The following TBC1D4 variants were observed in gnomAD, a reference collection of about 807,000 sequenced individuals.
TBC1D4 encodes TBC (Tre-2, BUB2, CDC16) domain-containing protein.
A neutral mutation model predicts 142.5 loss-of-function variants in TBC1D4; 121 were observed. The ratio of observed to expected loss-of-function variants is 0.85; its 90% CI spans 0.73 to 0.99. TBC1D4 has a LOEUF of 0.99. TBC1D4 is among the 50% of genes least tolerant of loss of function. TBC1D4 has a pLI of 0.00. For missense variants in TBC1D4, 1,475 were observed against 1,606.6 expected (o/e 0.92, Z 1.40); for synonymous variants, 630 against 628.2 (o/e 1.00, Z -0.04).
intron 15 of TBC1D4, among the ~76,000 whole-genome samples, chr13:75,304,321 G>A (rs1321934796): frequency 6.6e-6 from 1 of 152,120 alleles, no homozygotes; most frequent in African/African-American, 2.4e-5. Context: ...TGAGCATCCA[G>A]TATGTAACAG....
intron 1 of TBC1D4, among the ~76,000 whole-genome samples, chr13:75,442,545 C>G (rs1448790861): frequency 2.0e-5 from 3 of 151,932 alleles, no homozygotes; most frequent in African/African-American, 7.3e-5. Flanking sequence ...TTCTGGGAGG[C>G]CGAGGCAGGC....
chr13:75,316,602 A>G (rs1465821275), intron 12 of TBC1D4: 1 of 152,244 alleles, frequency 6.6e-6, no homozygotes, highest in African/African-American at 2.4e-5. Context: ...CAAGTTCCCA[A>G]TAAACATTTA....
chr13:75,352,719 G>A (rs78132005), intron 4 of TBC1D4, among the ~76,000 whole-genome samples: 2,516 of 152,172 alleles, frequency 0.017, 36 homozygotes, highest in South Asian at 0.057. Context: ...CTCCAGGCCC[G>A]TCAGAACACT....
chr13:75,307,456 A>G (rs1877296011), intron 14 of TBC1D4, among the ~76,000 whole-genome samples: 1 of 152,220 alleles, frequency 6.6e-6, no homozygotes, highest in Non-Finnish European at 1.5e-5. Flanking sequence ...AACTGATTTC[A>G]AAAGAGAAGG....
intron 4 of TBC1D4, among the ~76,000 whole-genome samples, chr13:75,354,752 G>A (rs529600910): frequency 1.2e-4 from 18 of 152,054 alleles, no homozygotes; most frequent in African/African-American, 4.1e-4. Context: ...CTACCAAACT[G>A]TTACTTGGTT....
intron 1 of TBC1D4, among the ~76,000 whole-genome samples, chr13:75,409,816 A>C: frequency 6.6e-6 from 1 of 152,336 alleles, no homozygotes; most frequent in African/African-American, 2.4e-5. Context: ...ACCCTTTGCT[A>C]GATAGCTATA....
chr13:75,447,220 A>C (rs141761013), intron 1 of TBC1D4, among the ~76,000 whole-genome samples: 1 of 152,224 alleles, frequency 6.6e-6, no homozygotes, highest in East Asian at 1.9e-4. Context: ...TCAACGGTAG[A>C]AGTATGGAAG....
chr13:75,289,555 G>T (rs1875054994), intron 19 of TBC1D4, among the ~76,000 whole-genome samples: 1 of 151,612 alleles, frequency 6.6e-6, no homozygotes, highest in African/African-American at 2.4e-5. Context: ...AATTGCATAG[G>T]GTATTACTGT....
At chr13:75,434,622 A>G (rs946533972) in intron 1 of TBC1D4, among the ~76,000 whole-genome samples, 5 of 152,124 alleles carry the variant, frequency 3.3e-5, no homozygotes, top group Non-Finnish European at 4.4e-5. Flanking sequence ...ACAAACCTTC[A>G]CATGTACCCC....
At chr13:75,321,512 G>T (rs1295059639) in intron 11 of TBC1D4, among the ~76,000 whole-genome samples, 1 of 152,016 alleles carries the variant, frequency 6.6e-6, no homozygotes, top group Non-Finnish European at 1.5e-5. Flanking sequence ...GATTAACCTG[G>T]ATAAAGGGTT....
At chr13:75,409,041 G>GTGCA (rs1555317976) in intron 1 of TBC1D4, among the ~76,000 whole-genome samples, 3 of 150,634 alleles carry the variant, frequency 2.0e-5, no homozygotes, top group African/African-American at 7.3e-5. Context: ...ATACACACAC[G>GTGCA]CACACACACA....
intron 1 of TBC1D4, among the ~76,000 whole-genome samples, chr13:75,364,947 T>C (rs1882812448): frequency 6.6e-6 from 1 of 152,238 alleles, no homozygotes; most frequent in Non-Finnish European, 1.5e-5. Flanking sequence ...AGTTCCATTC[T>C]ACAATTGAGA....
chr13:75,410,723 T>G (rs1014688643), intron 1 of TBC1D4, among the ~76,000 whole-genome samples: 1 of 151,412 alleles, frequency 6.6e-6, no homozygotes, highest in Non-Finnish European at 1.5e-5. Context: ...GATCACGAGG[T>G]CAGGAGATCG....
intron 7 of TBC1D4, among the ~76,000 whole-genome samples, chr13:75,339,375 A>G (rs138436743): frequency 4.7e-4 from 71 of 152,152 alleles, no homozygotes; most frequent in African/African-American, 1.5e-3. Context: ...TTGTGGTGCA[A>G]ATCTGATCTT....
chr13:75,369,861 T>C (rs549605230), intron 1 of TBC1D4, among the ~76,000 whole-genome samples: 2 of 152,226 alleles, frequency 1.3e-5, no homozygotes, highest in East Asian at 3.9e-4. Flanking sequence ...TATGGCTAAA[T>C]CAAATTGCCT....
intron 1 of TBC1D4, among the ~76,000 whole-genome samples, chr13:75,457,634 G>T (rs1887792451): frequency 6.6e-6 from 1 of 152,122 alleles, no homozygotes. Context: ...CCTACAAGAA[G>T]GACTTAAAAG....
intron 3 of TBC1D4, among the ~76,000 whole-genome samples, chr13:75,356,822 C>T (rs1198436120): frequency 6.6e-6 from 1 of 152,086 alleles, no homozygotes; most frequent in Non-Finnish European, 1.5e-5. Flanking sequence ...CATTGTACTT[C>T]CTGGACCCAG....
chr13:75,380,456 G>C (rs1045193037), intron 1 of TBC1D4, among the ~76,000 whole-genome samples: 4 of 150,908 alleles, frequency 2.7e-5, no homozygotes, highest in African/African-American at 9.7e-5. Flanking sequence ...CTGGGCCTAA[G>C]AGCAAAACTC....
intron 1 of TBC1D4, among the ~76,000 whole-genome samples, chr13:75,460,477 G>C (rs1342762780): frequency 6.6e-6 from 1 of 152,198 alleles, no homozygotes; most frequent in Non-Finnish European, 1.5e-5. Context: ...TGTAGAGAGA[G>C]ATGTGGAAGG....
Sources: gnomAD v4.1 joint callset for allele counts (sites outside exome capture counted in the v4.1 genomes callset) on GRCh38, gnomAD v4.1.1 for gene constraint, MANE v1.5 for transcripts, NCBI Gene and HGNC (gene_info 2026-07-23, HGNC 2026-07-21) for gene names.